Variants in ZRANB3 observed in about 807,000 individuals in gnomAD.
The protein encoded by ZRANB3 is DNA annealing helicase and endonuclease ZRANB3.
Under a neutral mutation model 133.8 loss-of-function variants are expected in ZRANB3, and 125 were observed. The observed-to-expected ratio is 0.93, with a 90% CI of 0.81 to 1.08. The LOEUF is 1.08. ZRANB3 is among the 50% of genes least tolerant of loss of function. The probability of loss-of-function intolerance (pLI) is 0.00; values close to 1 mark genes in which losing one functional copy is unlikely to be tolerated. For synonymous variants in ZRANB3, 387 were observed against 432.7 expected (o/e 0.89, Z 1.31); for missense variants, 1,229 against 1,275.5 (o/e 0.96, Z 0.56).
chr2:135,235,232 A>C (rs888284563), intron 12 of ZRANB3, among the ~76,000 whole-genome samples: 35 of 152,358 alleles, frequency 2.3e-4, no homozygotes, highest in Admixed American at 6.5e-4. Flanking sequence ...CCAAGACTGA[A>C]CCAGGAAGAA....
intron 20 of ZRANB3, 190 bp downstream of exon 20, chr2:135,202,642 A>G: frequency 1.9e-6 from 1 of 537,002 alleles, no homozygotes; most frequent in Non-Finnish European, 3.1e-6. Flanking sequence ...TGAAAAGGGA[A>G]GCAGCTTCTC....
chr2:135,333,133 C>G (rs967053205), intron 6 of ZRANB3, among the ~76,000 whole-genome samples: 9 of 152,174 alleles, frequency 5.9e-5, no homozygotes, highest in African/African-American at 2.2e-4. Flanking sequence ...ACACTAATCT[C>G]ATTCTCATTT....
intron 2 of ZRANB3, among the ~76,000 whole-genome samples, chr2:135,441,839 A>C (rs1689793533): frequency 6.6e-6 from 1 of 152,198 alleles, no homozygotes; most frequent in Non-Finnish European, 1.5e-5. Context: ...AGCAAAAGGC[A>C]TTTGTTTTAA....
intron 2 of ZRANB3, among the ~76,000 whole-genome samples, chr2:135,488,371 C>T (rs939689752): frequency 1.3e-5 from 2 of 151,974 alleles, no homozygotes; most frequent in Non-Finnish European, 2.9e-5. Flanking sequence ...AAAAATGGTT[C>T]TAAAAGACAT....
rs1694843866 is a variant in ZRANB3, at chr2:135,228,346, G to A, written c.1955-331C>T. 1.5e-5 allele frequency: 3 copies of A among 197,110 alleles called. No individual in the cohort carries two copies. The South Asian group carries it at 2.6e-4, about 17-fold the overall frequency. 12.2% of individuals were successfully genotyped at this position (197,110 alleles called of 1,614,324 possible). Reference sequence around the variant, plus strand: ...TTTTTTTCAGTAAGAAGGTTTTGGAGAGCACTACTATAGCAAAAGTCATGA... The same window carrying A: ...TTTTTTTCAGTAAGAAGGTTTTGGAAAGCACTACTATAGCAAAAGTCATGA... On this transcript the variant is annotated intron_variant, in intron 13 of 20. Coordinates refer to ENST00000264159, the MANE Select transcript of ZRANB3 (RefSeq NM_032143.4).
Position 135,340,168 on chromosome 2 carries a change from C to T in ZRANB3, c.677+5382G>A, listed in dbSNP as rs148329313. Among the ~76,000 whole-genome samples the T allele has an allele frequency of 7.0e-3, 1,051 of 149,560 alleles. 10 individuals carry two copies. The highest frequency in any genetic ancestry group is 0.024 in the African/African-American group (979 of 40,566). On this transcript the variant is annotated intron_variant, in intron 6 of 20. Transcript: ENST00000264159. Reference sequence around the variant, plus strand: ...TCGCCCAGGCTGGAGGGCAATGGCGCGATCTCGGCTCACTACAACCTCCGC... The same window carrying T: ...TCGCCCAGGCTGGAGGGCAATGGCGTGATCTCGGCTCACTACAACCTCCGC...
chr2:135,515,904 T>C (rs1250785958), intron 1 of ZRANB3, among the ~76,000 whole-genome samples: 1 of 152,232 alleles, frequency 6.6e-6, no homozygotes, highest in East Asian at 1.9e-4. Context: ...TATTATCGTA[T>C]GGAAGTCTAA....
Position 135,315,505 on chromosome 2 carries a change from C to T in ZRANB3, c.703G>A (p.Asp235Asn). 6.4e-7 allele frequency: 1 copy of T among 1,552,516 alleles called. No individual in the cohort carries two copies. The highest frequency in any genetic ancestry group is 8.7e-7 in the Non-Finnish European group (1 of 1,155,412). The change falls in exon 7 of 21, where the codon GAT becomes AAT. Residue 235 changes from aspartate (D) to asparagine (N), a missense_variant. Asp to Asn is a conservative substitution (Grantham distance 23). Coordinates refer to ENST00000264159, the MANE Select transcript of ZRANB3 (RefSeq NM_032143.4). ...TTAAGATTTGATGCCCCTCTACAATCCCACTGAGGTCTTTTACCAAAATAT... is the reference window on the plus strand; with the variant it reads ...TTAAGATTTGATGCCCCTCTACAATTCCACTGAGGTCTTTTACCAAAATAT... ...IRYFGKRPQW[D>N]CRGASNLNEL...
chr2:135,449,624 A>C (rs1316460114), intron 2 of ZRANB3, among the ~76,000 whole-genome samples: 1 of 152,204 alleles, frequency 6.6e-6, no homozygotes, highest in Non-Finnish European at 1.5e-5. Context: ...CATCTCAAAA[A>C]ATAAAAAATA....
intron 3 of ZRANB3, among the ~76,000 whole-genome samples, chr2:135,385,099 C>T (rs1407327837): frequency 8.5e-5 from 13 of 152,240 alleles, no homozygotes; most frequent in Admixed American, 5.2e-4. Context: ...AAAACCCCAT[C>T]GTCTCAGCCC....
At chr2:135,432,870 A>C (rs552478402) in intron 2 of ZRANB3, among the ~76,000 whole-genome samples, 27 of 152,330 alleles carry the variant, frequency 1.8e-4, no homozygotes, top group African/African-American at 5.5e-4. Context: ...TCACTGTTCC[A>C]AGTGAACCAG....
intron 8 of ZRANB3, among the ~76,000 whole-genome samples, chr2:135,297,640 T>C (rs1180141012): frequency 6.6e-6 from 1 of 152,210 alleles, no homozygotes; most frequent in African/African-American, 2.4e-5. Context: ...CAGTTGGAAA[T>C]GCAGAAATCA....
chr2:135,305,023 C>A (rs546242798), intron 8 of ZRANB3, among the ~76,000 whole-genome samples: 1 of 152,208 alleles, frequency 6.6e-6, no homozygotes, highest in East Asian at 1.9e-4. Flanking sequence ...GTCGCCCAGG[C>A]TGGAATGCAG....
intron 9 of ZRANB3, among the ~76,000 whole-genome samples, chr2:135,273,936 C>G (rs1680661291): frequency 6.6e-6 from 1 of 151,950 alleles, no homozygotes; most frequent in Non-Finnish European, 1.5e-5. Flanking sequence ...GGAATCGATC[C>G]CAGTAGTTTT....
chr2:135,333,412 A>C (rs1431102754), intron 6 of ZRANB3, among the ~76,000 whole-genome samples: 1 of 152,224 alleles, frequency 6.6e-6, no homozygotes, highest in Non-Finnish European at 1.5e-5. Context: ...ATCTTTTTAA[A>C]ACAATGAATT....
At chr2:135,454,450 C>T (rs1275488205) in intron 2 of ZRANB3, among the ~76,000 whole-genome samples, 2 of 151,838 alleles carry the variant, frequency 1.3e-5, no homozygotes, top group Non-Finnish European at 2.9e-5. Flanking sequence ...ATTTAATAAT[C>T]TGAACAGCTT....
At chr2:135,491,162 C>A (rs578018197) in intron 2 of ZRANB3, among the ~76,000 whole-genome samples, 1 of 151,862 alleles carries the variant, frequency 6.6e-6, no homozygotes, top group East Asian at 1.9e-4. Flanking sequence ...CAAAAGGGAC[C>A]GAGGGAAGCA....
chr2:135,353,629 C>A lies in ZRANB3; in HGVS notation c.181-1G>T. On this transcript the variant is annotated splice_acceptor_variant, in intron 3 of 20. Transcript: ENST00000264159. LOFTEE classifies it high-confidence loss of function. ...CCTGGATTGTCTTTCCTAGACCCAT[C>A]TAAATTAAAAAATAAATAAATGTTA... 3 of 1,442,396 alleles carry A rather than the reference C, an allele frequency of 2.1e-6. No homozygotes were observed. In the South Asian group the frequency reaches 4.6e-5, roughly 22 times the overall value. 89.3% of individuals were successfully genotyped at this position (1,442,396 alleles called of 1,614,324 possible). A position where few individuals can be genotyped will look rare whatever the true frequency, so the allele number is the denominator to read the frequency against.
intron 19 of ZRANB3, among the ~76,000 whole-genome samples, chr2:135,204,656 T>A (rs939818616): frequency 0.01 from 1,456 of 140,742 alleles, 24 homozygotes; most frequent in African/African-American, 0.038. Context: ...AAAAAATATA[T>A]ATATATACAT....
Sources: allele counts gnomAD v4.1 joint callset (sites outside exome capture counted in the v4.1 genomes callset), GRCh38; gene constraint gnomAD v4.1.1; transcripts MANE v1.5; gene names NCBI Gene and HGNC (gene_info 2026-07-23, HGNC 2026-07-21).